Variants in TMCC3 observed in about 807,000 individuals in gnomAD.
TMCC3 encodes transmembrane and coiled-coil domain family 3.
A neutral mutation model predicts 40.2 loss-of-function variants in TMCC3; 28 were observed. The ratio of observed to expected loss-of-function variants is 0.70; its 90% CI spans 0.52 to 0.95. The LOEUF is 0.95. Among genes scored for constraint, TMCC3 ranks in the 40% least tolerant of loss-of-function variants. The probability of loss-of-function intolerance (pLI) is 0.00; values close to 1 mark genes in which losing one functional copy is unlikely to be tolerated. For missense variants in TMCC3, 554 were observed against 615.2 expected (o/e 0.90, Z 1.05); for synonymous variants, 255 against 248.5 (o/e 1.03, Z -0.25).
In TMCC3 at chr12:94,609,469, G is replaced by A. The variant is rs113660599; in HGVS notation, c.79-26931C>T. 1.9e-3 allele frequency among the ~76,000 whole-genome samples: 286 copies of A among 152,220 alleles called. 2 individuals are homozygous for A. The highest frequency in any genetic ancestry group is 6.7e-3 in the African/African-American group (279 of 41,530). On this transcript the variant is annotated intron_variant, in intron 1 of 3. Transcript: ENST00000261226. Reference sequence around the variant, plus strand: ...ATCACCCCAAGTCCAGTAATCAGTGGTTACTCAGAACTTCTGCTGCTCTGA... The same window carrying A: ...ATCACCCCAAGTCCAGTAATCAGTGATTACTCAGAACTTCTGCTGCTCTGA...
At chr12:94,645,482 G>A (rs1185841987) in intron 1 of TMCC3, among the ~76,000 whole-genome samples, 4 of 152,174 alleles carry the variant, frequency 2.6e-5, no homozygotes. Context: ...CTGTTGCCCA[G>A]GCTGGAGTGC....
chr12:94,572,341 C>G (rs1284024014), intron 3 of TMCC3, among the ~76,000 whole-genome samples: 1 of 59,866 alleles, frequency 1.7e-5, no homozygotes, highest in African/African-American at 6.4e-5. Flanking sequence ...GACAGAGTTT[C>G]ACTCTGTCAC....
intron 1 of TMCC3, among the ~76,000 whole-genome samples, chr12:94,627,306 A>G (rs1194887273): frequency 1.3e-5 from 2 of 152,170 alleles, no homozygotes; most frequent in Non-Finnish European, 2.9e-5. Flanking sequence ...CACAGCTGTC[A>G]GCACACTAGG....
intron 1 of TMCC3, chr12:94,590,968 T>C: frequency 3.5e-6 from 2 of 568,320 alleles, no homozygotes; most frequent in South Asian, 2.8e-5. Flanking sequence ...TGATCAACAT[T>C]TAAATATGAT....
chr12:94,630,658 TTGTA>T (rs1276366228), intron 1 of TMCC3, among the ~76,000 whole-genome samples: 1 of 152,224 alleles, frequency 6.6e-6, no homozygotes, highest in Non-Finnish European at 1.5e-5. Context: ...AATATTCTAC[TTGTA>T]TGTGGCACTT....
At chr12:94,648,685 CA>C (rs1186848818) in intron 1 of TMCC3, among the ~76,000 whole-genome samples, 1 of 152,232 alleles carries the variant, frequency 6.6e-6, no homozygotes, top group African/African-American at 2.4e-5. Context: ...AGTTGAGGCA[CA>C]AACTTTATCA....
chr12:94,611,619 G>T (rs1333706693), intron 1 of TMCC3, among the ~76,000 whole-genome samples: 1 of 152,148 alleles, frequency 6.6e-6, no homozygotes, highest in Admixed American at 6.5e-5. Context: ...CAAAATCTGC[G>T]AGTGTTCAAG....
chr12:94,606,399 C>T lies in TMCC3; in HGVS notation c.79-23861G>A, dbSNP rs1422563865. Among the ~76,000 whole-genome samples the T allele has an allele frequency of 1.1e-4, 15 of 142,574 alleles. No homozygotes were observed. In the South Asian group the frequency reaches 1.1e-3, roughly 10 times the overall value. 93.5% of individuals were successfully genotyped at this position (142,574 alleles called of 152,430 possible). Reference sequence around the variant, plus strand: ...TTTTTTTTTTTTTGAGACAATCTCGCTCTGTCACCCAGGCTGGAGTGCAGT... The same window carrying T: ...TTTTTTTTTTTTTGAGACAATCTCGTTCTGTCACCCAGGCTGGAGTGCAGT... On this transcript the variant is annotated intron_variant, in intron 1 of 3. Transcript: ENST00000261226.
chr12:94,633,001 G>C (rs952255434), intron 1 of TMCC3, among the ~76,000 whole-genome samples: 1 of 152,150 alleles, frequency 6.6e-6, no homozygotes, highest in Non-Finnish European at 1.5e-5. Flanking sequence ...CGTTACTTGG[G>C]AGGCTGAGGC....
intron 1 of TMCC3, among the ~76,000 whole-genome samples, chr12:94,628,623 A>G (rs539862747): frequency 1.5e-3 from 225 of 152,326 alleles, no homozygotes; most frequent in Admixed American, 3.1e-3. Context: ...AAGGTCAAAC[A>G]GCAAAAACAG....
At chr12:94,637,766 A>T (rs889606870) in intron 1 of TMCC3, among the ~76,000 whole-genome samples, 8 of 152,224 alleles carry the variant, frequency 5.3e-5, no homozygotes, top group African/African-American at 1.9e-4. Context: ...ATACATGGGG[A>T]TCCTGTGCAG....
intron 1 of TMCC3, among the ~76,000 whole-genome samples, chr12:94,631,880 T>C (rs889103848): frequency 1.3e-5 from 2 of 152,190 alleles, no homozygotes; most frequent in African/African-American, 4.8e-5. Flanking sequence ...ACAGGTAAGT[T>C]CAGAAAAACA....
intron 1 of TMCC3, among the ~76,000 whole-genome samples, chr12:94,622,375 G>A (rs2068880442): frequency 6.6e-6 from 1 of 151,936 alleles, no homozygotes; most frequent in Non-Finnish European, 1.5e-5. Context: ...CAAAGAATAT[G>A]TTATATTTCT....
intron 1 of TMCC3, among the ~76,000 whole-genome samples, chr12:94,587,326 C>T (rs1429348883): frequency 6.6e-6 from 1 of 152,160 alleles, no homozygotes; most frequent in East Asian, 1.9e-4. Flanking sequence ...ATTTCTGAAT[C>T]TATAGAACAA....
In TMCC3 at chr12:94,582,535, C is replaced by T; in HGVS notation, c.82G>A (p.Glu28Lys). The T allele has an allele frequency of 6.3e-7, 1 of 1,592,992 alleles. No individual in the cohort carries two copies. Residue 28 changes from glutamate (E) to lysine (K), a missense_variant, in exon 2 of 4, where the codon GAA (glutamate) becomes AAA (lysine). By Grantham distance (56) the Glu-to-Lys change is moderately conservative. Coordinates refer to ENST00000261226, the MANE Select transcript of TMCC3 (RefSeq NM_020698.4). ...CTTAAGGTATTCATGTCATGACGTT[C>T]TACCTGAAAGAGACAGGAAAGAAGC... ...GRHHRCKSRV[E>K]RHDMNTLSLP... is the part of the protein sequence containing the mutation.
intron 1 of TMCC3, among the ~76,000 whole-genome samples, chr12:94,646,639 A>C (rs532923444): frequency 2.4e-4 from 36 of 151,082 alleles, no homozygotes; most frequent in Non-Finnish European, 3.8e-4. Flanking sequence ...GGGTTTCAAC[A>C]TGTTGGCCAG....
At chr12:94,631,607 T>C (rs559070107) in intron 1 of TMCC3, among the ~76,000 whole-genome samples, 2 of 152,304 alleles carry the variant, frequency 1.3e-5, no homozygotes, top group East Asian at 3.9e-4. Context: ...CCTCCAGAAC[T>C]GCATGAAAAT....
At position 94,567,557 on chromosome 12, in the gene TMCC3, CTTTT is replaced by C. The variant is rs57841504; in HGVS notation, c.*3874_*3877del. The C allele has an allele frequency of 4.0e-5, 6 of 150,062 alleles. No individual in the cohort carries two copies. The South Asian group carries it at 1.3e-3, about 32-fold the overall frequency. 9.3% of individuals were successfully genotyped at this position (150,062 alleles called of 1,614,324 possible). A position where few individuals can be genotyped will look rare whatever the true frequency, so the allele number is the denominator to read the frequency against. ...ACTATAGGTTAGTTCTGTTTCATAT[CTTTT>C]TTTTTTAGCATCTTATCTAGTTTTG... On this transcript the variant is annotated 3_prime_UTR_variant, in exon 4 of 4. Coordinates refer to ENST00000261226, the MANE Select transcript of TMCC3 (RefSeq NM_020698.4).
chr12:94,641,760 A>C (rs1313419438), intron 1 of TMCC3, among the ~76,000 whole-genome samples: 1 of 152,182 alleles, frequency 6.6e-6, no homozygotes, highest in Non-Finnish European at 1.5e-5. Flanking sequence ...ATTCTAAGTC[A>C]AACGCACAGA....
Sources: gnomAD v4.1 joint callset for allele counts (sites outside exome capture counted in the v4.1 genomes callset) on GRCh38, gnomAD v4.1.1 for gene constraint, MANE v1.5 for transcripts, NCBI Gene and HGNC (gene_info 2026-07-23, HGNC 2026-07-21) for gene names.